The following DAPK1 variants were observed in gnomAD, a reference collection of about 807,000 sequenced individuals.
The protein encoded by DAPK1 is death associated protein kinase 1.
Under a neutral mutation model 144.9 loss-of-function variants are expected in DAPK1, and 56 were observed. That is an observed-to-expected ratio of 0.39 (90% CI 0.31 to 0.48). The LOEUF (loss-of-function observed/expected upper bound fraction) is 0.48, where lower values mean the gene tolerates loss of function less well. Ranked by LOEUF, DAPK1 falls within the 20% of genes least tolerant of loss-of-function variation. DAPK1 has a pLI of 0.95. For missense variants in DAPK1, 1,454 were observed against 1,875.4 expected (o/e 0.78, Z 4.15); for synonymous variants, 690 against 749.0 (o/e 0.92, Z 1.29).
intron 3 of DAPK1, chr9:87,631,944 A>T: frequency 4.6e-6 from 2 of 439,142 alleles, no homozygotes; most frequent in Non-Finnish European, 6.1e-6. Context: ...ATCTGCCTTC[A>T]TGAATTGGCA....
chr9:87,603,962 C>G (rs1428199898), intron 2 of DAPK1, among the ~76,000 whole-genome samples: 1 of 152,186 alleles, frequency 6.6e-6, no homozygotes, highest in Non-Finnish European at 1.5e-5. Context: ...GAAAACCCAT[C>G]AAACTGACTT....
At chr9:87,650,374 T>C (rs1391924659) in intron 16 of DAPK1, 7 of 443,906 alleles carry the variant, frequency 1.6e-5, no homozygotes, top group Non-Finnish European at 2.8e-5. Flanking sequence ...TTAGCTTTTT[T>C]AGCTTTAGAG....
At chr9:87,584,310 G>A (rs113754419) in intron 2 of DAPK1, among the ~76,000 whole-genome samples, 36 of 152,134 alleles carry the variant, frequency 2.4e-4, no homozygotes, top group Middle Eastern at 3.4e-3. Context: ...TTTTCTGGCC[G>A]AATAGTATTT....
At chr9:87,500,898 A>G (rs2117985819) in intron 2 of DAPK1, among the ~76,000 whole-genome samples, 1 of 152,328 alleles carries the variant, frequency 6.6e-6, no homozygotes, top group South Asian at 2.1e-4. Flanking sequence ...TGGAAGTCTG[A>G]AGTTTTTAAA....
intron 2 of DAPK1, among the ~76,000 whole-genome samples, chr9:87,543,003 A>G (rs1826109815): frequency 6.6e-6 from 1 of 152,226 alleles, no homozygotes; most frequent in Non-Finnish European, 1.5e-5. Context: ...ACATTAGAAA[A>G]CAAATTTTTA....
intron 2 of DAPK1, among the ~76,000 whole-genome samples, chr9:87,512,061 ATTTG>A (rs968416072): frequency 7.9e-5 from 12 of 151,866 alleles, no homozygotes; most frequent in Non-Finnish European, 1.5e-4. Context: ...TCTTTTATTT[ATTTG>A]TTTGTTTATT....
intron 2 of DAPK1, among the ~76,000 whole-genome samples, chr9:87,600,386 A>G (rs1251635841): frequency 1.3e-5 from 2 of 152,160 alleles, no homozygotes; most frequent in Non-Finnish European, 2.9e-5. Context: ...CAGGAGTTCT[A>G]GACCAGCCTA....
intron 2 of DAPK1, among the ~76,000 whole-genome samples, chr9:87,508,632 G>A (rs1165925763): frequency 1.3e-5 from 2 of 152,108 alleles, no homozygotes; most frequent in South Asian, 2.1e-4. Context: ...GTGAGCCACC[G>A]TGCCCGGCCA....
intron 2 of DAPK1, among the ~76,000 whole-genome samples, chr9:87,542,303 T>C (rs1826083655): frequency 1.3e-5 from 2 of 152,230 alleles, no homozygotes; most frequent in Admixed American, 1.3e-4. Flanking sequence ...CTGCTTCTTA[T>C]AGATCATCTC....
At chr9:87,657,929 T>C in intron 17 of DAPK1, 100 bp from the exon 18 acceptor site, 1 of 713,466 alleles carries the variant, frequency 1.4e-6, no homozygotes, top group Non-Finnish European at 2.6e-6. Flanking sequence ...TCCTCCTTTC[T>C]GGTGGGCCCT....
intron 17 of DAPK1, among the ~76,000 whole-genome samples, chr9:87,652,774 G>A (rs1830498246): frequency 6.8e-6 from 1 of 147,262 alleles, no homozygotes; most frequent in South Asian, 2.2e-4. Flanking sequence ...CTGATCCCGG[G>A]TCCTGATTCT....
rs141717068 is a variant in DAPK1 at position 87,551,943 on chromosome 9, T to C, written c.62+52804T>C. ...GATGCCTCCGTGGGCAGCCGGAATC[T>C]AGATCAACAACTACACTCTAGAATA... On this transcript the variant is annotated intron_variant, in intron 2 of 25. Coordinates refer to ENST00000408954, the MANE Select transcript of DAPK1 (RefSeq NM_004938.4). 1.8e-4 allele frequency among the ~76,000 whole-genome samples: 28 copies of C among 152,290 alleles called. No homozygotes were observed. The East Asian group carries it at 5.2e-3, about 28-fold the overall frequency.
chr9:87,669,565 C>G (rs1023757945), intron 19 of DAPK1, among the ~76,000 whole-genome samples: 1 of 151,830 alleles, frequency 6.6e-6, no homozygotes, highest in East Asian at 1.9e-4. Context: ...TTAAAAACCA[C>G]AAACTATCTA....
chr9:87,508,797 T>A (rs1360345833), intron 2 of DAPK1, among the ~76,000 whole-genome samples: 1 of 152,106 alleles, frequency 6.6e-6, no homozygotes, highest in Non-Finnish European at 1.5e-5. Context: ...TTGAGCTGCC[T>A]GTCTGTCTGC....
chr9:87,569,065 C>T (rs1042609615), intron 2 of DAPK1, among the ~76,000 whole-genome samples: 17 of 152,118 alleles, frequency 1.1e-4, no homozygotes, highest in Non-Finnish European at 1.9e-4. Flanking sequence ...TAATAAGTAG[C>T]ATCCCTTTGC....
chr9:87,499,883 TAGAC>T (rs1052640547), intron 2 of DAPK1, among the ~76,000 whole-genome samples: 8 of 152,334 alleles, frequency 5.3e-5, no homozygotes, highest in East Asian at 1.9e-4. Flanking sequence ...GACTGTGTAT[TAGAC>T]AGAGTGTTTT....
chr9:87,505,418 C>CG (rs1824549574), intron 2 of DAPK1, among the ~76,000 whole-genome samples: 1 of 152,130 alleles, frequency 6.6e-6, no homozygotes, highest in African/African-American at 2.4e-5. Context: ...TTTTTTGAGA[C>CG]GGAGTCTCAC....
Position 87,637,938 on chromosome 9 carries a change from C to G in DAPK1, c.285-5C>G, listed in dbSNP as rs749546329. On this transcript the variant is annotated splice_region_variant and splice_polypyrimidine_tract_variant and intron_variant, in intron 3 of 25. Transcript: ENST00000408954. ...TACCAATAACCTCTGCTTCCGGGTT[C>G]TCAGCGTTGCAGGTGGCGAGCTGTT... 1 of 1,613,148 alleles carries G rather than the reference C, an allele frequency of 6.2e-7. No individual in the cohort carries two copies.
chr9:87,654,515 C>G (rs2119195527), intron 17 of DAPK1, among the ~76,000 whole-genome samples: 1 of 152,288 alleles, frequency 6.6e-6, no homozygotes, highest in South Asian at 2.1e-4. Context: ...CATTCTGAGA[C>G]TGTGTGGAAG....
Sources: gnomAD v4.1 joint callset for allele counts (sites outside exome capture counted in the v4.1 genomes callset) on GRCh38, gnomAD v4.1.1 for gene constraint, MANE v1.5 for transcripts, NCBI Gene and HGNC (gene_info 2026-07-23, HGNC 2026-07-21) for gene names.